The following ROBO2 variants were observed in gnomAD, a reference collection of about 807,000 sequenced individuals.
ROBO2 encodes roundabout guidance receptor 2, also known as roundabout homolog 2.
ROBO2 carries 53 observed loss-of-function variants against 160.8 expected under a neutral mutation model. The ratio of observed to expected loss-of-function variants is 0.33; its 90% CI spans 0.26 to 0.41. The LOEUF is 0.41. Ranked by LOEUF, ROBO2 falls within the 10% of genes least tolerant of loss-of-function variation. The pLI is 1.00. For missense variants in ROBO2, 1,577 were observed against 1,722.4 expected, an observed-to-expected ratio of 0.92 and a Z score of 1.49; for synonymous variants, 664 against 611.7, an observed-to-expected ratio of 1.09 and a Z score of -1.26.
At chr3:76,564,221 TAGA>T (rs1271075607) in intron 2 of ROBO2, among the ~76,000 whole-genome samples, 1 of 152,156 alleles carries the variant, frequency 6.6e-6, no homozygotes. Context: ...ATAAAATGAA[TAGA>T]AGTGTGCTGT....
At chr3:77,413,491 T>G (rs2076965663) in intron 2 of ROBO2, among the ~76,000 whole-genome samples, 1 of 152,154 alleles carries the variant, frequency 6.6e-6, no homozygotes, top group African/African-American at 2.4e-5. Flanking sequence ...TTGAAAGGTT[T>G]GCGTTTTGTT....
intron 17 of ROBO2, among the ~76,000 whole-genome samples, chr3:77,589,926 A>G (rs141072155): frequency 3.4e-4 from 52 of 152,268 alleles, no homozygotes; most frequent in African/African-American, 1.1e-3. Context: ...TATTCCTAAT[A>G]TTAAATTTGG....
At chr3:76,602,857 TCA>T (rs747774438) in intron 2 of ROBO2, among the ~76,000 whole-genome samples, 3 of 152,190 alleles carry the variant, frequency 2.0e-5, no homozygotes, top group Non-Finnish European at 2.9e-5. Context: ...CCAAACCGTA[TCA>T]GTCTCATTGC....
chr3:76,088,436 A>G (rs923760778), intron 2 of ROBO2, among the ~76,000 whole-genome samples: 3 of 152,056 alleles, frequency 2.0e-5, no homozygotes, highest in African/African-American at 7.2e-5. Flanking sequence ...AAGCTCACAT[A>G]GAAGGTTCAC....
At chr3:77,254,862 G>A (rs1180633331) in intron 2 of ROBO2, among the ~76,000 whole-genome samples, 3 of 152,146 alleles carry the variant, frequency 2.0e-5, no homozygotes, top group South Asian at 2.1e-4. Flanking sequence ...TCAAAAAGTG[G>A]CAGAATAAAA....
At chr3:77,465,825 T>C (rs556248812) in intron 2 of ROBO2, among the ~76,000 whole-genome samples, 1 of 152,318 alleles carries the variant, frequency 6.6e-6, no homozygotes. Flanking sequence ...TTTTCATAAG[T>C]AAACAAACAT....
chr3:75,987,961 T>C (rs902909158), intron 2 of ROBO2, among the ~76,000 whole-genome samples: 6 of 150,976 alleles, frequency 4.0e-5, no homozygotes, highest in African/African-American at 1.5e-4. Context: ...TTGATATTCA[T>C]AACAGATATT....
At chr3:76,321,152 C>T (rs1057225783) in intron 2 of ROBO2, among the ~76,000 whole-genome samples, 5 of 152,072 alleles carry the variant, frequency 3.3e-5, no homozygotes, top group African/African-American at 1.2e-4. Context: ...TTCCTAGGCT[C>T]TAAATAGAGC....
intron 2 of ROBO2, among the ~76,000 whole-genome samples, chr3:76,267,343 T>G (rs1707161320): frequency 6.6e-6 from 1 of 152,198 alleles, no homozygotes; most frequent in Non-Finnish European, 1.5e-5. Context: ...TAGAATGCCC[T>G]GCTAGACTTT....
intron 2 of ROBO2, among the ~76,000 whole-genome samples, chr3:77,463,963 A>G (rs2082506062): frequency 6.6e-6 from 1 of 152,236 alleles, no homozygotes. Flanking sequence ...CAGATGCAGA[A>G]GTAAAATTCA....
chr3:77,198,563 T>C (rs2082519426), intron 2 of ROBO2, among the ~76,000 whole-genome samples: 1 of 152,194 alleles, frequency 6.6e-6, no homozygotes, highest in South Asian at 2.1e-4. Context: ...GTTCAGATTG[T>C]ACATGGCTTT....
intron 2 of ROBO2, among the ~76,000 whole-genome samples, chr3:76,201,679 A>G (rs1169982166): frequency 6.6e-6 from 1 of 152,158 alleles, no homozygotes; most frequent in African/African-American, 2.4e-5. Flanking sequence ...GCAGACGGCC[A>G]TAAACTTTCA....
At chr3:76,237,989 T>C (rs1174396705) in intron 2 of ROBO2, among the ~76,000 whole-genome samples, 1 of 152,174 alleles carries the variant, frequency 6.6e-6, no homozygotes, top group Non-Finnish European at 1.5e-5. Context: ...TGGGGTCTGA[T>C]TTCTTTTGAT....
At chr3:77,144,683 A>G (rs775679514) in intron 2 of ROBO2, among the ~76,000 whole-genome samples, 3 of 152,224 alleles carry the variant, frequency 2.0e-5, no homozygotes, top group Admixed American at 6.5e-5. Context: ...TGACAAATAT[A>G]TGGCACTGGG....
intron 2 of ROBO2, among the ~76,000 whole-genome samples, chr3:77,102,930 G>A (rs1211065809): frequency 6.6e-6 from 1 of 150,774 alleles, no homozygotes; most frequent in Non-Finnish European, 1.5e-5. Context: ...GGCAAAAAAT[G>A]TTTTTTAAAT....
intron 2 of ROBO2, among the ~76,000 whole-genome samples, chr3:76,009,688 T>C (rs915554387): frequency 6.6e-6 from 1 of 152,230 alleles, no homozygotes; most frequent in Admixed American, 6.5e-5. Context: ...AAACATTCCC[T>C]CATGCATATA....
At chr3:77,000,157 A>G (rs2061262965) in intron 2 of ROBO2, among the ~76,000 whole-genome samples, 1 of 152,202 alleles carries the variant, frequency 6.6e-6, no homozygotes, top group Non-Finnish European at 1.5e-5. Flanking sequence ...CCCAAGACCT[A>G]TAAGAACATT....
intron 2 of ROBO2, among the ~76,000 whole-genome samples, chr3:76,374,072 G>A (rs983349220): frequency 6.6e-5 from 10 of 151,920 alleles, no homozygotes; most frequent in Non-Finnish European, 1.2e-4. Context: ...CCTAGATTCA[G>A]AGGGGCAATT....
At chr3:76,525,703 T>C (rs973212580) in intron 2 of ROBO2, among the ~76,000 whole-genome samples, 7 of 152,002 alleles carry the variant, frequency 4.6e-5, no homozygotes, top group African/African-American at 1.7e-4. Flanking sequence ...AGCCAGGGTT[T>C]TACTTAATTT....
Sources: allele counts gnomAD v4.1 joint callset (sites outside exome capture counted in the v4.1 genomes callset), GRCh38; gene constraint gnomAD v4.1.1; transcripts MANE v1.5; gene names NCBI Gene and HGNC (gene_info 2026-07-23, HGNC 2026-07-21).